Variants in VAV3 observed in about 807,000 individuals in gnomAD.
The protein encoded by VAV3 is guanine nucleotide exchange factor VAV3.
In VAV3, 94 loss-of-function variants were observed where a neutral mutation model predicts 131.2. The observed-to-expected ratio is 0.72, with a 90% CI of 0.61 to 0.85. VAV3 has a LOEUF of 0.85. Among genes scored for constraint, VAV3 ranks in the 40% least tolerant of loss-of-function variants. The pLI is 0.00. For synonymous variants in VAV3, 349 were observed against 342.0 expected (o/e 1.02, Z -0.22); for missense variants, 939 against 1,002.7 (o/e 0.94, Z 0.86).
intron 20 of VAV3, among the ~76,000 whole-genome samples, chr1:107,631,773 C>T (rs1654510476): frequency 6.6e-6 from 1 of 151,764 alleles, no homozygotes; most frequent in Admixed American, 6.6e-5. Context: ...TGATTGTTTC[C>T]AGCTTCATCC....
At chr1:107,874,789 T>C (rs1025103648) in intron 2 of VAV3, 112 bp downstream of exon 2, 9 of 911,446 alleles carry the variant, frequency 9.9e-6, no homozygotes, top group South Asian at 1.6e-5. Context: ...AATTTAACTA[T>C]ATAATGCAGA....
At chr1:107,709,998 G>A (rs150928075) in intron 15 of VAV3, among the ~76,000 whole-genome samples, 2 of 152,294 alleles carry the variant, frequency 1.3e-5, no homozygotes, top group African/African-American at 4.8e-5. Context: ...GTATGACAGT[G>A]TAGTTAGTAA....
intron 17 of VAV3, among the ~76,000 whole-genome samples, chr1:107,699,679 T>C (rs1442353264): frequency 2.6e-5 from 4 of 152,088 alleles, no homozygotes; most frequent in East Asian, 1.9e-4. Flanking sequence ...CATCCAGACA[T>C]TTCCATATAT....
chr1:107,573,349 A>G lies in VAV3; in HGVS notation c.2526T>C (p.Tyr842=), dbSNP rs1288749661. 15 of 1,614,004 alleles carry G rather than the reference A, an allele frequency of 9.3e-6. No individual in the cohort carries two copies. Among genetic ancestry groups the G allele is most frequent in the Non-Finnish European group, 1.2e-5 (14 of 1,180,006 alleles). The change falls in exon 27 of 27, where the codon TAT becomes TAC. Residue 842 remains tyrosine, a synonymous_variant. Coordinates refer to ENST00000370056, the MANE Select transcript of VAV3 (RefSeq NM_006113.5). The part of the protein sequence containing the change: ...NGRVGWFPST[Y]VEEDE ...TTTGAATTTATTCATCCTCTTCCAC[A>G]TATGTGGATGGAAACCAGCCCACCT...
At chr1:107,606,473 G>A (rs527354414) in intron 22 of VAV3, among the ~76,000 whole-genome samples, 18 of 151,992 alleles carry the variant, frequency 1.2e-4, no homozygotes, top group Non-Finnish European at 1.9e-4. Flanking sequence ...CATGTCCTTC[G>A]GTTCTGAGAA....
intron 2 of VAV3, chr1:107,785,771 C>G (rs1665947947): frequency 2.1e-6 from 1 of 472,634 alleles, no homozygotes; most frequent in Non-Finnish European, 2.8e-6. Context: ...TAGAGGCACC[C>G]CAGAGACCTG....
intron 19 of VAV3, among the ~76,000 whole-genome samples, chr1:107,645,523 T>C (rs761094420): frequency 6.6e-6 from 1 of 152,056 alleles, no homozygotes; most frequent in Non-Finnish European, 1.5e-5. Flanking sequence ...TGTTCTACAA[T>C]ACAGGTGGGA....
chr1:107,951,196 T>C (rs1260704467), intron 1 of VAV3, among the ~76,000 whole-genome samples: 1 of 152,204 alleles, frequency 6.6e-6, no homozygotes, highest in Non-Finnish European at 1.5e-5. Flanking sequence ...CTCTCTCTAC[T>C]CAGTTTTATT....
chr1:107,819,223 T>C (rs1667687697), intron 2 of VAV3, among the ~76,000 whole-genome samples: 1 of 152,184 alleles, frequency 6.6e-6, no homozygotes. Context: ...AAACAGAAAT[T>C]CTTTCTTCCC....
intron 19 of VAV3, among the ~76,000 whole-genome samples, chr1:107,647,934 A>C (rs779991333): frequency 1.3e-5 from 2 of 152,064 alleles, no homozygotes; most frequent in Non-Finnish European, 2.9e-5. Context: ...CCCTGACATC[A>C]CAGCTTATAG....
At chr1:107,818,995 T>C (rs1278587142) in intron 2 of VAV3, among the ~76,000 whole-genome samples, 1 of 152,204 alleles carries the variant, frequency 6.6e-6, no homozygotes, top group African/African-American at 2.4e-5. Flanking sequence ...GAAAAAAGTA[T>C]CAATTTGTAG....
chr1:107,661,541 T>C (rs1344851973), intron 19 of VAV3, among the ~76,000 whole-genome samples: 3 of 152,218 alleles, frequency 2.0e-5, no homozygotes, highest in Non-Finnish European at 4.4e-5. Flanking sequence ...CCCACTTGAA[T>C]ATAAGCTTTA....
At chr1:107,608,525 A>G (rs922785068) in intron 22 of VAV3, among the ~76,000 whole-genome samples, 2 of 152,188 alleles carry the variant, frequency 1.3e-5, no homozygotes, top group African/African-American at 4.8e-5. Flanking sequence ...ATTGTCTTCA[A>G]TCAGGTAAAA....
chr1:107,888,191 T>C (rs17020274), intron 1 of VAV3, among the ~76,000 whole-genome samples: 5,478 of 152,300 alleles, frequency 0.036, 121 homozygotes, highest in Middle Eastern at 0.11. Flanking sequence ...TCTTCTTTAT[T>C]GAAAGAGGTA....
intron 2 of VAV3, among the ~76,000 whole-genome samples, chr1:107,851,296 C>G (rs1018289272): frequency 6.7e-6 from 1 of 150,330 alleles, no homozygotes; most frequent in African/African-American, 2.5e-5. Context: ...TCTGTATCAT[C>G]TGGCCTTAAA....
chr1:107,697,811 C>T (rs1360707887), intron 17 of VAV3, among the ~76,000 whole-genome samples: 1 of 152,066 alleles, frequency 6.6e-6, no homozygotes, highest in East Asian at 1.9e-4. Flanking sequence ...AACATTCAAA[C>T]CTAAAAACAC....
chr1:107,757,182 TG>T, intron 11 of VAV3, 78 bp downstream of exon 11: 1 of 874,766 alleles, frequency 1.1e-6, no homozygotes. Context: ...TGTGTGTGTG[TG>T]TGTGTATGCA....
At chr1:107,866,335 G>C (rs1249917744) in intron 2 of VAV3, among the ~76,000 whole-genome samples, 1 of 152,076 alleles carries the variant, frequency 6.6e-6, no homozygotes, top group Non-Finnish European at 1.5e-5. Context: ...TTCGCCACTG[G>C]TAACTCAGAT....
chr1:107,618,201 C>T (rs1454392980), intron 20 of VAV3, among the ~76,000 whole-genome samples: 1 of 152,142 alleles, frequency 6.6e-6, no homozygotes, highest in East Asian at 1.9e-4. Context: ...TCCTAACAGG[C>T]CACAGTCTGG....
Sources: gnomAD v4.1 joint callset for allele counts (sites outside exome capture counted in the v4.1 genomes callset) on GRCh38, gnomAD v4.1.1 for gene constraint, MANE v1.5 for transcripts, NCBI Gene and HGNC (gene_info 2026-07-23, HGNC 2026-07-21) for gene names.